The following VPS8 variants were observed in gnomAD, a reference collection of about 807,000 sequenced individuals.
VPS8 encodes vacuolar protein sorting-associated protein 8 homolog.
Under a neutral mutation model 216.4 loss-of-function variants are expected in VPS8, and 129 were observed. That is an observed-to-expected ratio of 0.60 (90% confidence interval 0.52 to 0.69). The LOEUF (loss-of-function observed/expected upper bound fraction) is 0.69. Among genes scored for constraint, VPS8 ranks in the 30% least tolerant of loss-of-function variants. VPS8 has a pLI of 0.00. For synonymous variants in VPS8, 571 were observed against 565.4 expected, an observed-to-expected ratio of 1.01 and a Z score of -0.14; for missense variants, 1,531 against 1,683.5, an observed-to-expected ratio of 0.91 and a Z score of 1.59.
chr3:184,854,312 C>A, intron 13 of VPS8, 139 bp downstream of exon 13: 1 of 905,092 alleles, frequency 1.1e-6, no homozygotes. Flanking sequence ...AGATCGTTGG[C>A]TGGACTTGCC....
At chr3:184,827,181 A>G (rs1313386569) in intron 3 of VPS8, among the ~76,000 whole-genome samples, 1 of 152,112 alleles carries the variant, frequency 6.6e-6, no homozygotes, top group Non-Finnish European at 1.5e-5. Context: ...TGTCTTTATT[A>G]TTTCTTTGCC....
chr3:185,019,798 G>A (rs1163463423), intron 45 of VPS8, among the ~76,000 whole-genome samples: 3 of 152,196 alleles, frequency 2.0e-5, no homozygotes, highest in African/African-American at 4.8e-5. Context: ...TTGGGTACCT[G>A]TTCCCAACAA....
intron 1 of VPS8, among the ~76,000 whole-genome samples, chr3:184,819,758 A>C (rs1285289267): frequency 1.3e-5 from 2 of 152,194 alleles, no homozygotes; most frequent in Non-Finnish European, 2.9e-5. Flanking sequence ...GGAAAATCTG[A>C]GTACAACTTG....
chr3:184,814,772 A>C (rs114318528), intron 1 of VPS8, among the ~76,000 whole-genome samples: 193 of 152,314 alleles, frequency 1.3e-3, no homozygotes, highest in African/African-American at 4.5e-3. Flanking sequence ...TGAACACTGT[A>C]CACTTAGGCT....
chr3:184,853,523 T>C (rs1051617245), intron 11 of VPS8, among the ~76,000 whole-genome samples: 1 of 152,098 alleles, frequency 6.6e-6, no homozygotes, highest in Non-Finnish European at 1.5e-5. Context: ...GCTAGAGCAA[T>C]GGAAGAAAGC....
intron 36 of VPS8, among the ~76,000 whole-genome samples, chr3:184,950,216 C>CTTTT (rs10700220): frequency 0.037 from 1,470 of 39,902 alleles, 526 homozygotes; most frequent in Middle Eastern, 0.071. Context: ...CAGTTTTCTG[C>CTTTT]TTTTTTTTTT....
intron 24 of VPS8, among the ~76,000 whole-genome samples, chr3:184,899,185 C>T (rs1311132398): frequency 6.6e-6 from 1 of 152,138 alleles, no homozygotes; most frequent in Admixed American, 6.5e-5. Context: ...ATCTAAAAAA[C>T]ATTTGGACTT....
intron 46 of VPS8, among the ~76,000 whole-genome samples, chr3:185,032,151 G>A (rs771102917): frequency 3.3e-5 from 5 of 151,796 alleles, no homozygotes; most frequent in East Asian, 1.9e-4. Context: ...ACAACAGAGC[G>A]AGATTTTGTC....
Position 184,898,525 on chromosome 3 carries a change from G to A in VPS8, c.2005-40G>A, listed in dbSNP as rs1025726625. 2.1e-6 allele frequency: 3 copies of A among 1,447,174 alleles called. No homozygotes were observed. In the African/African-American group the frequency reaches 4.3e-5, roughly 21 times the overall value. 89.6% of individuals were successfully genotyped at this position (1,447,174 alleles called of 1,614,324 possible). On this transcript the variant is annotated intron_variant, in intron 23 of 47. Transcript: ENST00000625842. ...TAAAGCATTAAGGAAAATAATTGGT[G>A]ACTGAATTGTATGGACCAAGTGGCT...
intron 47 of VPS8, among the ~76,000 whole-genome samples, chr3:185,050,123 A>AT (rs397939506): frequency 0.045 from 6,248 of 139,376 alleles, 345 homozygotes; most frequent in African/African-American, 0.13. Flanking sequence ...CTGGGAAATA[A>AT]TTTTTTTTTT....
chr3:184,945,155 TTC>T (rs374772641), intron 36 of VPS8, among the ~76,000 whole-genome samples: 298 of 151,120 alleles, frequency 2.0e-3, no homozygotes, highest in South Asian at 0.012. Context: ...CTCTCTCTCT[TTC>T]TCTCTCTCTC....
intron 21 of VPS8, among the ~76,000 whole-genome samples, chr3:184,872,730 AATG>A (rs1728570207): frequency 6.6e-6 from 1 of 152,150 alleles, no homozygotes; most frequent in Non-Finnish European, 1.5e-5. Flanking sequence ...CAATCATAAT[AATG>A]ATGAAAAATA....
intron 46 of VPS8, among the ~76,000 whole-genome samples, chr3:185,036,418 A>G (rs1347872994): frequency 2.0e-5 from 3 of 152,194 alleles, no homozygotes. Flanking sequence ...AGACACATAG[A>G]TCAATGGCAC....
chr3:184,818,381 G>A (rs1421758332), intron 1 of VPS8, among the ~76,000 whole-genome samples: 2 of 152,072 alleles, frequency 1.3e-5, no homozygotes, highest in South Asian at 4.2e-4. Context: ...AAATTAGCTG[G>A]GCATGGTGGT....
chr3:184,814,095 T>C (rs1483393532), intron 1 of VPS8, among the ~76,000 whole-genome samples: 2 of 152,276 alleles, frequency 1.3e-5, no homozygotes, highest in South Asian at 2.1e-4. Context: ...TTCACTGTTA[T>C]GAATTTCTTA....
chr3:184,821,167 G>A (rs943012801), intron 1 of VPS8, among the ~76,000 whole-genome samples: 7 of 152,284 alleles, frequency 4.6e-5, no homozygotes, highest in African/African-American at 1.4e-4. Flanking sequence ...GAGCCCTGCA[G>A]AGTAGGTAGT....
intron 37 of VPS8, among the ~76,000 whole-genome samples, chr3:184,964,206 A>G (rs1205501391): frequency 6.6e-6 from 1 of 152,020 alleles, no homozygotes; most frequent in Non-Finnish European, 1.5e-5. Flanking sequence ...GCTTTTCTCC[A>G]GTGTGTATAC....
chr3:184,921,289 G>C (rs1738553626), intron 29 of VPS8, among the ~76,000 whole-genome samples: 1 of 152,206 alleles, frequency 6.6e-6, no homozygotes, highest in Admixed American at 6.5e-5. Flanking sequence ...TAAACTCAGG[G>C]ACGCAGATTC....
intron 45 of VPS8, among the ~76,000 whole-genome samples, chr3:185,018,144 G>C (rs1361044665): frequency 6.6e-6 from 1 of 152,196 alleles, no homozygotes. Context: ...CACAGGCCTT[G>C]ATAGAATCAA....
Sources: gnomAD v4.1 joint callset for allele counts (sites outside exome capture counted in the v4.1 genomes callset) on GRCh38, gnomAD v4.1.1 for gene constraint, MANE v1.5 for transcripts, NCBI Gene and HGNC (gene_info 2026-07-23, HGNC 2026-07-21) for gene names.